RPTOR: variants seen among roughly 807,000 people sequenced by gnomAD.
The protein encoded by RPTOR is regulatory-associated protein of mTOR.
In RPTOR, 21 loss-of-function variants were observed where a neutral mutation model predicts 169.9. The ratio of observed to expected loss-of-function variants is 0.12; its 90% CI spans 0.09 to 0.18. The LOEUF (loss-of-function observed/expected upper bound fraction) is 0.18, where lower values mean the gene tolerates loss of function less well. Ranked by LOEUF, RPTOR falls within the 10% of genes least tolerant of loss-of-function variation. The pLI is 1.00. For synonymous variants in RPTOR, 732 were observed against 753.2 expected (o/e 0.97, Z 0.46); for missense variants, 1,133 against 1,855.9 (o/e 0.61, Z 7.16).
chr17:80,817,905 G>T (rs1404702430), intron 7 of RPTOR, among the ~76,000 whole-genome samples: 1 of 152,182 alleles, frequency 6.6e-6, no homozygotes, highest in Non-Finnish European at 1.5e-5. Context: ...CTGAAGTTCT[G>T]CCAGAGTCTA....
Position 80,730,679 on chromosome 17 carries a change from C to T in RPTOR, c.627C>T (p.Phe209=), listed in dbSNP as rs747825955. 5.6e-6 allele frequency: 9 copies of T among 1,610,800 alleles called. No individual in the cohort carries two copies. Among genetic ancestry groups the T allele is most frequent in the South Asian group, 3.3e-5 (3 of 90,948 alleles). ...TGATCGTCAAGTCCTTCAAGCAGTTCGCACTACAGCGGGAGCAGGAGCTGG... is the reference window on the plus strand; with the variant it reads ...TGATCGTCAAGTCCTTCAAGCAGTTTGCACTACAGCGGGAGCAGGAGCTGG... ...AGLIVKSFKQ[F]ALQREQELEV... is the part of the protein sequence containing the mutation. Residue 209 remains phenylalanine (F), a synonymous_variant, in exon 5 of 34, where the codon TTC becomes TTT. Transcript: ENST00000306801. This position sits in a 1 kb window ranked among gnomAD's most constrained non-coding sequence, Gnocchi z 4.2.
At chr17:80,635,009 C>T (rs895480168) in intron 2 of RPTOR, among the ~76,000 whole-genome samples, 1 of 152,218 alleles carries the variant, frequency 6.6e-6, no homozygotes, top group Non-Finnish European at 1.5e-5. Context: ...CATGTACATT[C>T]ATGCCTCCTA....
intron 20 of RPTOR, among the ~76,000 whole-genome samples, chr17:80,898,566 C>T (rs1368200070): frequency 6.6e-6 from 1 of 152,070 alleles, no homozygotes; most frequent in African/African-American, 2.4e-5. Flanking sequence ...AAAATAAAAA[C>T]AGCTCATTAA....
chr17:80,571,942 T>G (rs747598937), intron 1 of RPTOR, among the ~76,000 whole-genome samples: 8 of 152,356 alleles, frequency 5.3e-5, no homozygotes, highest in Middle Eastern at 3.4e-3. Context: ...GAAAAACATT[T>G]AGGTATGCTG....
chr17:80,743,232 A>G (rs2066502655), intron 5 of RPTOR: 1 of 985,214 alleles, frequency 1.0e-6, no homozygotes. Context: ...GACTCAGTTC[A>G]TTAGAGAAGT....
intron 3 of RPTOR, among the ~76,000 whole-genome samples, chr17:80,652,581 C>T (rs1465621982): frequency 1.3e-5 from 2 of 152,250 alleles, no homozygotes; most frequent in Non-Finnish European, 1.5e-5. Flanking sequence ...CATCCTGCTT[C>T]AGCCTCAACT....
chr17:80,705,840 A>T (rs1388320141), intron 3 of RPTOR, among the ~76,000 whole-genome samples: 4 of 151,960 alleles, frequency 2.6e-5, no homozygotes, highest in Non-Finnish European at 5.9e-5. Context: ...CGGCAGGGGA[A>T]CCTTTCTTAA....
intron 20 of RPTOR, among the ~76,000 whole-genome samples, chr17:80,904,172 G>A (rs1008038513): frequency 1.2e-4 from 19 of 152,198 alleles, no homozygotes; most frequent in Non-Finnish European, 2.2e-4. Context: ...GCTGGTCAGC[G>A]TGATTCTCGT....
At position 80,627,135 on chromosome 17, in the gene RPTOR, C is replaced by T. The variant is rs188354677; in HGVS notation, c.265+1342C>T. ...ATGTGTCAGAATTTCATTCTCCTGC[C>T]GCAGCCTCGCAATAACTGGACTTAT... is the stretch of plus-strand genomic sequence containing the variant. On this transcript the variant is annotated intron_variant, in intron 2 of 33. Transcript: ENST00000306801. Among the ~76,000 whole-genome samples the T allele has an allele frequency of 5.8e-4, 89 of 152,280 alleles. 1 individual carries two copies. The highest frequency in any genetic ancestry group is 3.4e-3 in the Middle Eastern group (1 of 294).
chr17:80,575,904 C>A (rs2064959202), intron 1 of RPTOR, among the ~76,000 whole-genome samples: 1 of 151,984 alleles, frequency 6.6e-6, no homozygotes, highest in South Asian at 2.1e-4. Flanking sequence ...TATTTTGAGG[C>A]CATATTGTTG....
At chr17:80,799,387 A>G (rs1358938114) in intron 7 of RPTOR, among the ~76,000 whole-genome samples, 1 of 152,160 alleles carries the variant, frequency 6.6e-6, no homozygotes, top group Non-Finnish European at 1.5e-5. Context: ...GATGTCAGGG[A>G]GTCTGCAGTA....
At position 80,823,261 on chromosome 17, in the gene RPTOR, C is replaced by T. The variant is rs753755968; in HGVS notation, c.1136+38C>T. On this transcript the variant is annotated intron_variant, in intron 9 of 33. Coordinates refer to ENST00000306801, the MANE Select transcript of RPTOR (RefSeq NM_020761.3). The surrounding 1 kb of genome is among the most constrained non-coding windows in gnomAD (Gnocchi z 4.5). ...GGATCCTCCAGGTGCCGTGCTCCCC[C>T]GCCCTCCGTGGCACTGTGATGTCAT... 9.3e-6 allele frequency: 15 copies of T among 1,606,096 alleles called. No homozygotes were observed. Among genetic ancestry groups the T allele is most frequent in the African/African-American group, 4.0e-5 (3 of 74,800 alleles).
At chr17:80,579,856 C>G (rs1157909444) in intron 1 of RPTOR, among the ~76,000 whole-genome samples, 1 of 152,154 alleles carries the variant, frequency 6.6e-6, no homozygotes, top group African/African-American at 2.4e-5. Flanking sequence ...ATGAACTTCT[C>G]CTCCTCTTTA....
At chr17:80,736,214 C>T (rs2066432187) in intron 5 of RPTOR, among the ~76,000 whole-genome samples, 1 of 151,752 alleles carries the variant, frequency 6.6e-6, no homozygotes, top group South Asian at 2.1e-4. Flanking sequence ...GGGCACAATT[C>T]ACTTCTCCAC....
At chr17:80,772,693 A>G (rs1208661388) in intron 6 of RPTOR, among the ~76,000 whole-genome samples, 1 of 151,844 alleles carries the variant, frequency 6.6e-6, no homozygotes, top group Non-Finnish European at 1.5e-5. Flanking sequence ...CAGCTCTAGC[A>G]CTGTGAGGTC....
At chr17:80,703,252 C>T (rs546479206) in intron 3 of RPTOR, among the ~76,000 whole-genome samples, 2 of 152,336 alleles carry the variant, frequency 1.3e-5, no homozygotes, top group South Asian at 4.1e-4. Context: ...TTCTGATTGC[C>T]TCGCCGTCTG....
chr17:80,843,197 T>G (rs2067689819), intron 10 of RPTOR, among the ~76,000 whole-genome samples: 1 of 152,202 alleles, frequency 6.6e-6, no homozygotes, highest in Non-Finnish European at 1.5e-5. Context: ...AGTCACCACC[T>G]CTATAATATT....
chr17:80,894,429 C>G (rs1215506300), intron 20 of RPTOR, among the ~76,000 whole-genome samples: 1 of 152,228 alleles, frequency 6.6e-6, no homozygotes, highest in Non-Finnish European at 1.5e-5. Flanking sequence ...AACTTTCCCT[C>G]CATCCCAGCA....
chr17:80,655,251 A>C (rs1300004907), intron 3 of RPTOR, among the ~76,000 whole-genome samples: 2 of 152,044 alleles, frequency 1.3e-5, no homozygotes, highest in Non-Finnish European at 2.9e-5. Flanking sequence ...ACACCTGGCT[A>C]ATTTTTGTAT....
Sources: gnomAD v4.1 joint callset for allele counts (sites outside exome capture counted in the v4.1 genomes callset) on GRCh38, gnomAD v4.1.1 for gene constraint, Gnocchi (gnomAD v3.1) non-coding constraint, MANE v1.5 for transcripts, NCBI Gene and HGNC (gene_info 2026-07-23, HGNC 2026-07-21) for gene names.